The following TUBGCP4 variants were observed in gnomAD, a reference collection of about 807,000 sequenced individuals.
TUBGCP4 encodes the protein gamma-tubulin complex component 4.
In TUBGCP4, 54 loss-of-function variants were observed where a neutral mutation model predicts 91.6. The ratio of observed to expected loss-of-function variants is 0.59; its 90% CI spans 0.47 to 0.74. TUBGCP4 has a LOEUF of 0.74. Ranked by LOEUF, TUBGCP4 falls within the 30% of genes least tolerant of loss-of-function variation. TUBGCP4 has a pLI of 0.00. For synonymous variants in TUBGCP4, 297 were observed against 302.8 expected, an observed-to-expected ratio of 0.98 and a Z score of 0.20; for missense variants, 593 against 800.9, an observed-to-expected ratio of 0.74 and a Z score of 3.13.
At position 43,406,800 on chromosome 15, in the gene TUBGCP4, C is replaced by G; in HGVS notation, c.*1586C>G. The G allele has an allele frequency of 2.8e-6, 1 of 354,388 alleles. No homozygotes were observed. The highest frequency in any genetic ancestry group is 2.3e-5 in the South Asian group (1 of 43,518). 22.0% of individuals were successfully genotyped at this position (354,388 alleles called of 1,614,324 possible). ...TTTATCTTACGGAAGGTCATTCCAT[C>G]AAGCTTATGGTCACTGTCCCTTCAT... On this transcript the variant is annotated 3_prime_UTR_variant, in exon 18 of 18. Transcript: ENST00000564079.
chr15:43,376,613 T>C lies in TUBGCP4; in HGVS notation c.318T>C (p.Asp106=). The C allele has an allele frequency of 2.5e-6, 4 of 1,614,148 alleles. No individual in the cohort carries two copies. In the Middle Eastern group the frequency reaches 5.0e-4, roughly 200 times the overall value. The part of the protein sequence containing the change: ...VLQPYRQALL[D]LEQEFLGDPH... ...AGCCTTATCGCCAAGCACTGCTTGA[T>C]TTGGAACAAGAGGTAAGAAGGAGGA... Residue 106 remains aspartate, a synonymous_variant, in exon 3 of 18, where the codon GAT becomes GAC. Transcript: ENST00000564079.
At chr15:43,386,101 G>T in intron 8 of TUBGCP4, 105 bp from the exon 9 acceptor site, 1 of 1,526,740 alleles carries the variant, frequency 6.5e-7, no homozygotes. Flanking sequence ...GTTTGTCTGA[G>T]AAGCAGGTGA....
In TUBGCP4 at chr15:43,408,161, C is replaced by T. The variant is rs2044981773; in HGVS notation, c.*2947C>T. 6.9e-7 allele frequency: 1 copy of T among 1,447,988 alleles called. No homozygotes were observed. The highest frequency in any genetic ancestry group is 9.5e-7 in the Non-Finnish European group (1 of 1,053,094). The allele number at this position is 1,447,988 out of a possible 1,614,324, so 89.7% of individuals were successfully genotyped here. On this transcript the variant is annotated 3_prime_UTR_variant, in exon 18 of 18. Transcript: ENST00000564079. ...CAAACTGCCTTTCTGCAAAGGGACT[C>T]ATGTACATCTGAATGCTTTCAAAAA...
intron 12 of TUBGCP4, 23 bp downstream of exon 12, chr15:43,397,344 C>A: frequency 6.6e-7 from 1 of 1,520,502 alleles, no homozygotes; most frequent in Non-Finnish European, 9.1e-7. Context: ...TCCCTGCCAC[C>A]TTAGAGTTCC....
chr15:43,406,435 C>T lies in TUBGCP4; in HGVS notation c.*1221C>T, dbSNP rs892538184. 2.9e-6 allele frequency: 1 copy of T among 349,672 alleles called. No homozygotes were observed. Among genetic ancestry groups the T allele is most frequent in the Non-Finnish European group, 5.7e-6 (1 of 176,922 alleles). The allele number at this position is 349,672 out of a possible 1,614,324, so 21.7% of individuals were successfully genotyped here. On this transcript the variant is annotated 3_prime_UTR_variant, in exon 18 of 18. Transcript: ENST00000564079. ...TGTCTCTGGAGCAGGAGCTGGCAAA[C>T]TATGGCCTGCTGTCTGTTTTTGTAC...
At chr15:43,384,165 A>G (rs1460104788) in intron 7 of TUBGCP4, among the ~76,000 whole-genome samples, 1 of 152,084 alleles carries the variant, frequency 6.6e-6, no homozygotes, top group Non-Finnish European at 1.5e-5. Flanking sequence ...ATATTCATCC[A>G]TTCATCCATC....
intron 4 of TUBGCP4, 97 bp from the exon 5 acceptor site, chr15:43,377,750 T>C (rs1298006801): frequency 3.9e-6 from 4 of 1,019,436 alleles, no homozygotes; most frequent in Non-Finnish European, 5.9e-6. Context: ...CCATTTTATC[T>C]TAAGTTGAAC....
chr15:43,376,038 A>G, intron 1 of TUBGCP4, 60 bp from the exon 2 acceptor site: 2 of 1,602,312 alleles, frequency 1.2e-6, no homozygotes, highest in South Asian at 1.1e-5. Context: ...AAGCGTTTGA[A>G]GCACCTGAAA....
rs368366606 is a variant in TUBGCP4 at position 43,409,044 on chromosome 15, C to G, written c.*3830C>G. On this transcript the variant is annotated 3_prime_UTR_variant, in exon 18 of 18. Coordinates refer to ENST00000564079, the MANE Select transcript of TUBGCP4 (RefSeq NM_014444.5). ...ACTGGCAAGGCACAGGAAGTACTTCCGGGTTCGACAATGCTGATCCGCAAT... is the reference window on the plus strand; with the variant it reads ...ACTGGCAAGGCACAGGAAGTACTTCGGGGTTCGACAATGCTGATCCGCAAT... The G allele has an allele frequency of 1.2e-6, 2 of 1,614,072 alleles. No homozygotes were observed. The highest frequency in any genetic ancestry group is 2.7e-5 in the African/African-American group (2 of 74,922).
rs999026 is a variant in TUBGCP4 at position 43,398,017 on chromosome 15, T to C, written c.1280-24T>C. ...TTAACCAAGTTGTTATCTTTTCTTT[T>C]TTTCTTTTCTTTTATCACAGCAGAT... On this transcript the variant is annotated intron_variant, in intron 12 of 17. Coordinates refer to ENST00000564079, the MANE Select transcript of TUBGCP4 (RefSeq NM_014444.5). 274,343 of 1,587,224 alleles carry C rather than the reference T, an allele frequency of 0.17. 34,526 individuals carry two copies. The highest frequency in any genetic ancestry group is 0.61 in the African/African-American group (44,360 of 73,104).
Position 43,383,489 on chromosome 15 carries a change from A to G in TUBGCP4, c.708A>G (p.Arg236=). The G allele has an allele frequency of 4.3e-6, 7 of 1,609,556 alleles. No homozygotes were observed. The highest frequency in any genetic ancestry group is 5.9e-6 in the Non-Finnish European group (7 of 1,177,880). ...GIGGLTGKQL[R]ELQDLRLIEE... is the part of the protein sequence containing the mutation. The stretch of plus-strand genomic sequence containing the variant: ...GGGGACTGACAGGAAAACAACTGAG[A>G]GAACTGCAGGACTTGGTGAGAGCCC... The change falls in exon 7 of 18, where the codon AGA becomes AGG. Residue 236 remains arginine, a synonymous_variant. Coordinates refer to ENST00000564079, the MANE Select transcript of TUBGCP4 (RefSeq NM_014444.5).
intron 9 of TUBGCP4, among the ~76,000 whole-genome samples, chr15:43,393,357 C>T (rs1188490503): frequency 6.6e-6 from 1 of 151,704 alleles, no homozygotes; most frequent in Admixed American, 6.6e-5. Context: ...TTACAGGCAC[C>T]CGCCACCACG....
chr15:43,400,732 A>G (rs1366287235), intron 14 of TUBGCP4, among the ~76,000 whole-genome samples: 1 of 152,158 alleles, frequency 6.6e-6, no homozygotes, highest in Non-Finnish European at 1.5e-5. Context: ...CCTGGCCAGC[A>G]TGGTGAAACA....
At position 43,395,678 on chromosome 15, in the gene TUBGCP4, AACTGAGCATG is replaced by A. The variant is rs1475696145; in HGVS notation, c.1162_1171del (p.Thr388MetfsTer2). ...TGTTGAAAACACCACCCACTGCAGT[AACTGAGCATG>A]GTAATTGTCAGTGGCCCTGAGAATG... On this transcript the variant is annotated frameshift_variant and splice_region_variant, in exon 11 of 18. Coordinates refer to ENST00000564079, the MANE Select transcript of TUBGCP4 (RefSeq NM_014444.5). LOFTEE classifies it high-confidence loss of function. The A allele has an allele frequency of 6.2e-7, 1 of 1,613,484 alleles. No homozygotes were observed. The highest frequency in any genetic ancestry group is 1.7e-5 in the Admixed American group (1 of 60,018).
chr15:43,383,958 C>T (rs1227365706), intron 7 of TUBGCP4, among the ~76,000 whole-genome samples: 1 of 152,132 alleles, frequency 6.6e-6, no homozygotes, highest in Non-Finnish European at 1.5e-5. Flanking sequence ...GCCACCATGC[C>T]TAGCTAATTT....
chr15:43,378,972 T>C (rs1399681161), intron 5 of TUBGCP4, among the ~76,000 whole-genome samples: 2 of 152,244 alleles, frequency 1.3e-5, no homozygotes, highest in Admixed American at 1.3e-4. Context: ...ATAGAGTTAA[T>C]GAGGACAGCA....
chr15:43,381,934 G>C (rs2044291147), intron 6 of TUBGCP4, among the ~76,000 whole-genome samples: 1 of 151,980 alleles, frequency 6.6e-6, no homozygotes, highest in Non-Finnish European at 1.5e-5. Context: ...TAGAAAAAAG[G>C]CATTCTTGGC....
chr15:43,383,472 ACAGGAAAACAACTGAGAGAACTG>A lies in TUBGCP4; in HGVS notation c.697_719del (p.Lys233LeufsTer5), dbSNP rs1244420162. On this transcript the variant is annotated frameshift_variant, in exon 7 of 18. Transcript: ENST00000564079. LOFTEE classifies it high-confidence loss of function. ...GGAGGATCTGGGCATTGGGGGACTG[ACAGGAAAACAACTGAGAGAACTG>A]CAGGACTTGGTGAGAGCCCAAAAAG... The A allele has an allele frequency of 6.2e-7, 1 of 1,612,528 alleles. No individual in the cohort carries two copies. Among genetic ancestry groups the A allele is most frequent in the Non-Finnish European group, 8.5e-7 (1 of 1,179,358 alleles).
At chr15:43,403,909 C>A (rs1019943825) in intron 16 of TUBGCP4, 110 bp downstream of exon 16, 24 of 745,756 alleles carry the variant, frequency 3.2e-5, no homozygotes, top group Non-Finnish European at 4.9e-5. Context: ...TCAATACACA[C>A]ACGTACAGAG....
Sources: allele counts gnomAD v4.1 joint callset (sites outside exome capture counted in the v4.1 genomes callset), GRCh38; gene constraint gnomAD v4.1.1; transcripts MANE v1.5; gene names NCBI Gene and HGNC (gene_info 2026-07-23, HGNC 2026-07-21).